TAAR5: variants seen among roughly 807,000 people sequenced by gnomAD.
TAAR5 encodes the protein trace amine-associated receptor 5.
A neutral mutation model predicts 21.1 loss-of-function variants in TAAR5; 27 were observed. The ratio of observed to expected loss-of-function variants is 1.28; its 90% CI spans 0.94 to 1.76. The LOEUF (loss-of-function observed/expected upper bound fraction) is 1.76. Ranked by LOEUF, TAAR5 falls within the 40% of genes most tolerant of loss-of-function variation. The pLI is 0.00. For synonymous variants in TAAR5, 203 were observed against 167.5 expected (o/e 1.21, Z -1.64); for missense variants, 495 against 405.6 (o/e 1.22, Z -1.89).
At chr6:132,611,764 T>C in the TAAR5 span, among the ~76,000 whole-genome samples, 3 of 152,160 alleles carry the variant, frequency 2.0e-5, no homozygotes, top group African/African-American at 7.2e-5. Flanking sequence ...TAAGACTCTC[T>C]TGTGTCCTAT....
chr6:132,612,723 T>C, the TAAR5 span, among the ~76,000 whole-genome samples: 1 of 152,146 alleles, frequency 6.6e-6, no homozygotes, highest in Non-Finnish European at 1.5e-5. Context: ...ATATGTAATG[T>C]TTGCACCTTA....
chr6:132,609,255 C>A, the TAAR5 span: 1 of 335,592 alleles, frequency 3.0e-6, no homozygotes, highest in East Asian at 7.7e-5. Context: ...GATAGGTCTT[C>A]GGGAATATAA....
At chr6:132,610,597 C>T in the TAAR5 span, among the ~76,000 whole-genome samples, 1 of 152,222 alleles carries the variant, frequency 6.6e-6, no homozygotes, top group African/African-American at 2.4e-5. Flanking sequence ...AAAGTCACCT[C>T]GTTGTGATAA....
upstream of TAAR5, among the ~76,000 whole-genome samples, chr6:132,590,570 C>T (rs1562187014): frequency 6.6e-6 from 1 of 152,192 alleles, no homozygotes; most frequent in Non-Finnish European, 1.5e-5. Flanking sequence ...TCAGAGTACT[C>T]TTCTGTTGGC....
At chr6:132,609,098 G>A in the TAAR5 span, 1 of 444,776 alleles carries the variant, frequency 2.2e-6, no homozygotes. Context: ...GAGTGAAGCT[G>A]TTTGAAATGC....
chr6:132,605,386 A>G, the TAAR5 span, among the ~76,000 whole-genome samples: 2 of 152,236 alleles, frequency 1.3e-5, no homozygotes, highest in African/African-American at 4.8e-5. Context: ...GAATATACAC[A>G]GATTCCGTAT....
At chr6:132,612,860 A>T in the TAAR5 span, among the ~76,000 whole-genome samples, 2 of 152,314 alleles carry the variant, frequency 1.3e-5, no homozygotes, top group South Asian at 4.1e-4. Flanking sequence ...AAGTCCATGA[A>T]TACATACGCA....
chr6:132,615,283 A>G, the TAAR5 span, among the ~76,000 whole-genome samples: 2 of 152,214 alleles, frequency 1.3e-5, no homozygotes, highest in African/African-American at 2.4e-5. Context: ...TGTGGGCTCA[A>G]TTAAATGCTG....
chr6:132,609,246 A>C, the TAAR5 span: 1 of 346,270 alleles, frequency 2.9e-6, no homozygotes, highest in South Asian at 2.3e-5. Flanking sequence ...GGACAACTGG[A>C]TAGGTCTTCG....
the TAAR5 span, among the ~76,000 whole-genome samples, chr6:132,611,247 T>A: frequency 6.8e-6 from 1 of 147,794 alleles, no homozygotes; most frequent in Admixed American, 6.8e-5. Flanking sequence ...CTCATGGAGA[T>A]AGGGAGCAGC....
chr6:132,604,861 C>T, the TAAR5 span, among the ~76,000 whole-genome samples: 798 of 152,236 alleles, frequency 5.2e-3, 7 homozygotes, highest in African/African-American at 0.018. Context: ...AGTCTCATAG[C>T]CAGGGGCAGC....
the TAAR5 span, among the ~76,000 whole-genome samples, chr6:132,597,040 C>G: frequency 6.6e-6 from 1 of 152,078 alleles, no homozygotes; most frequent in African/African-American, 2.4e-5. Flanking sequence ...ATAAAGCATT[C>G]CCCATACAAA....
chr6:132,595,522 T>A, the TAAR5 span: 1 of 152,152 alleles, frequency 6.6e-6, no homozygotes, highest in Non-Finnish European at 1.5e-5. Context: ...AGTACAACAA[T>A]ACAAATCACC....
chr6:132,610,624 C>T, the TAAR5 span, among the ~76,000 whole-genome samples: 1 of 152,148 alleles, frequency 6.6e-6, no homozygotes, highest in Admixed American at 6.6e-5. Flanking sequence ...CTGAATTTTG[C>T]TGGTTAGAGA....
upstream of TAAR5, chr6:132,594,682 G>A (rs747073480): frequency 4.6e-5 from 7 of 152,120 alleles, no homozygotes; most frequent in Non-Finnish European, 8.8e-5. Context: ...CTGTTTTAGA[G>A]GATGCCTTTT....
the TAAR5 span, among the ~76,000 whole-genome samples, chr6:132,601,083 A>AAGAAGGAAGGAAGGAG: frequency 2.3e-5 from 3 of 131,776 alleles, no homozygotes; most frequent in Admixed American, 7.6e-5. Flanking sequence ...GAAGGAGGGA[A>AAGAAGGAAGGAAGGAG]GGAAGGAGGG....
At chr6:132,592,254 A>G (rs1054988644), upstream of TAAR5, among the ~76,000 whole-genome samples, 4 of 152,200 alleles carry the variant, frequency 2.6e-5, no homozygotes, top group African/African-American at 9.6e-5. Flanking sequence ...TAGAAACCAA[A>G]TTTGTTTTCA....
At chr6:132,592,754 C>T (rs1263447621), upstream of TAAR5, among the ~76,000 whole-genome samples, 4 of 152,278 alleles carry the variant, frequency 2.6e-5, no homozygotes, top group African/African-American at 9.6e-5. Flanking sequence ...TCCCTGAGGC[C>T]TCCCCAGCCA....
chr6:132,598,141 G>GC, the TAAR5 span, among the ~76,000 whole-genome samples: 1 of 152,046 alleles, frequency 6.6e-6, no homozygotes, highest in African/African-American at 2.4e-5. Flanking sequence ...ATCTACTTCT[G>GC]CCCCCATTTT....
Sources: gnomAD v4.1 joint callset for allele counts (sites outside exome capture counted in the v4.1 genomes callset) on GRCh38, gnomAD v4.1.1 for gene constraint, MANE v1.5 for transcripts, NCBI Gene and HGNC (gene_info 2026-07-23, HGNC 2026-07-21) for gene names.